The following EMID1 variants were observed in gnomAD, a reference collection of about 807,000 sequenced individuals.
EMID1 encodes the protein EMI domain-containing protein 1.
Under a neutral mutation model 60.6 loss-of-function variants are expected in EMID1, and 40 were observed. The ratio of observed to expected loss-of-function variants is 0.66; its 90% CI spans 0.51 to 0.86. The LOEUF (loss-of-function observed/expected upper bound fraction) is 0.86, where lower values mean the gene tolerates loss of function less well. EMID1 is among the 40% of genes least tolerant of loss of function. The probability of loss-of-function intolerance (pLI) is 0.00; values close to 1 mark genes in which losing one functional copy is unlikely to be tolerated. For synonymous variants in EMID1, 242 were observed against 231.0 expected (o/e 1.05, Z -0.43); for missense variants, 585 against 597.1 (o/e 0.98, Z 0.21).
chr22:29,214,954 A>G lies in EMID1; in HGVS notation c.130A>G (p.Thr44Ala). ...CTGGTGCTCCTATGTGGTGACCCGC[A>G]CCATCTCATGCCATGTGCAGAATGG... ...RNWCSYVVTR[T>A]ISCHVQNGTY... Residue 44 changes from threonine to alanine, a missense_variant, in exon 2 of 15, where the codon ACC becomes GCC. Thr to Ala is a moderately conservative substitution (Grantham distance 58, BLOSUM62 0). Coordinates refer to ENST00000334018, the MANE Select transcript of EMID1 (RefSeq NM_133455.4). 1 of 1,547,334 alleles carries G rather than the reference A, an allele frequency of 6.5e-7. No individual in the cohort carries two copies. Among genetic ancestry groups the G allele is most frequent in the South Asian group, 1.2e-5 (1 of 83,380 alleles).
In EMID1 at chr22:29,232,388, G is replaced by A. The variant is rs774365327; in HGVS notation, c.809G>A (p.Arg270Gln). ...GCCCCTGTTGGGCCACCCCATGCCC[G>A]GATCTCCCAGCATGGTGAGTCCCCC... ...PPAPVGPPHA[R>Q]ISQHGDPLLS... Residue 270 changes from arginine (R) to glutamine (Q), a missense_variant, in exon 8 of 15, where the codon CGG becomes CAG. Physicochemically the swap from Arg to Gln is conservative, Grantham distance 43. Transcript: ENST00000334018. 25 of 1,584,096 alleles carry A rather than the reference G, an allele frequency of 1.6e-5. No individual in the cohort carries two copies. The highest frequency in any genetic ancestry group is 1.2e-4 in the African/African-American group (9 of 73,952).
At chr22:29,232,229 C>A (rs1346894919) in intron 7 of EMID1, 27 bp from the exon 8 acceptor site, 1 of 1,611,274 alleles carries the variant, frequency 6.2e-7, no homozygotes, top group Non-Finnish European at 8.5e-7. Context: ...TCCTGTATAC[C>A]CACAAATCCG....
At chr22:29,230,891 G>C (rs913462893) in intron 5 of EMID1, 129 bp from the exon 6 acceptor site, 45 of 1,249,946 alleles carry the variant, frequency 3.6e-5, no homozygotes, top group Non-Finnish European at 4.7e-5. Flanking sequence ...GGGTGGTTGA[G>C]GCTGCATGAG....
chr22:29,231,720 C>T, intron 7 of EMID1, 38 bp downstream of exon 7: 3 of 1,431,302 alleles, frequency 2.1e-6, no homozygotes, highest in Non-Finnish European at 2.8e-6. Context: ...CTCCTCTGGC[C>T]ATCCCCTCCA....
chr22:29,206,500 C>T (rs115528568), intron 1 of EMID1, among the ~76,000 whole-genome samples: 1,972 of 152,344 alleles, frequency 0.013, 50 homozygotes, highest in African/African-American at 0.045. Flanking sequence ...GACCCTCTCT[C>T]CCCTTTTCCC....
intron 4 of EMID1, 141 bp downstream of exon 4, chr22:29,225,357 G>A (rs912771792): frequency 3.4e-6 from 3 of 873,834 alleles, no homozygotes; most frequent in Middle Eastern, 2.6e-4. Context: ...CCCACCCCAT[G>A]CTCCCCAGGC....
intron 14 of EMID1, among the ~76,000 whole-genome samples, chr22:29,255,020 GA>G (rs1306329813): frequency 1.0e-5 from 1 of 99,180 alleles, no homozygotes; most frequent in Non-Finnish European, 2.3e-5. Flanking sequence ...AGGGGACTAA[GA>G]GAGCCAGGCC....
intron 1 of EMID1, among the ~76,000 whole-genome samples, chr22:29,211,756 G>T (rs1047040521): frequency 1.3e-5 from 2 of 152,188 alleles, no homozygotes; most frequent in African/African-American, 4.8e-5. Context: ...CAGAGCTTCC[G>T]ACTGTCCTCT....
chr22:29,231,614 T>C lies in EMID1; in HGVS notation c.608T>C (p.Leu203Pro). The C allele has an allele frequency of 1.3e-6, 2 of 1,525,672 alleles. No individual in the cohort carries two copies. The highest frequency in any genetic ancestry group is 1.3e-5 in the South Asian group (1 of 79,590). 94.5% of individuals were successfully genotyped at this position (1,525,672 alleles called of 1,614,324 possible). A position where few individuals can be genotyped will look rare whatever the true frequency, so the allele number is the denominator to read the frequency against. ...CCAGACCAAGTCGGTGCTTGGGGGCTTCCCGGGCCCACCGGCCCCAAGGGA... is the reference window on the plus strand; with the variant it reads ...CCAGACCAAGTCGGTGCTTGGGGGCCTCCCGGGCCCACCGGCCCCAAGGGA... The part of the protein sequence containing the change: ...GLQDQVGAWG[L>P]PGPTGPKGDA... The change falls in exon 7 of 15, where the codon CTT becomes CCT. Residue 203 changes from leucine (L) to proline (P), a missense_variant. Transcript: ENST00000334018.
Position 29,205,992 on chromosome 22 carries a change from G to A in EMID1, c.-47G>A, listed in dbSNP as rs2039631976. The stretch of plus-strand genomic sequence containing the variant: ...GCAGGCAGGCGGGGAGGACAGGCTG[G>A]GGGCGGCGACCGCGAGGGGCCGCGC... On this transcript the variant is annotated 5_prime_UTR_variant, in exon 1 of 15. Transcript: ENST00000334018. The A allele has an allele frequency of 3.5e-6, 4 of 1,137,436 alleles. No individual in the cohort carries two copies. Among genetic ancestry groups the A allele is most frequent in the Middle Eastern group, 7.0e-4 (2 of 2,846 alleles). 70.5% of individuals were successfully genotyped at this position (1,137,436 alleles called of 1,614,324 possible). A position where few individuals can be genotyped will look rare whatever the true frequency, so the allele number is the denominator to read the frequency against.
At chr22:29,257,383 A>G (rs752888278) in intron 14 of EMID1, among the ~76,000 whole-genome samples, 8 of 152,158 alleles carry the variant, frequency 5.3e-5, no homozygotes, top group Non-Finnish European at 1.2e-4. Flanking sequence ...ATCATCTCCA[A>G]TCTCTTAGAG....
rs571557268 is a variant in EMID1, at chr22:29,258,728, G to A, written c.1205-89G>A. Reference sequence around the variant, plus strand: ...GGATTATACCTGGCAGAGCGTGCCCGGTTCTGCCACCCCCTAGAGGGCCAA... The same window carrying A: ...GGATTATACCTGGCAGAGCGTGCCCAGTTCTGCCACCCCCTAGAGGGCCAA... On this transcript the variant is annotated intron_variant, in intron 14 of 14. Transcript: ENST00000334018. 369 of 1,530,300 alleles carry A rather than the reference G, an allele frequency of 2.4e-4. No individual in the cohort carries two copies. The African/African-American group carries it at 2.6e-3, about 11-fold the overall frequency. The allele number at this position is 1,530,300 out of a possible 1,614,324, so 94.8% of individuals were successfully genotyped here. A position where few individuals can be genotyped will look rare whatever the true frequency, so the allele number is the denominator to read the frequency against.
intron 6 of EMID1, 115 bp downstream of exon 6, chr22:29,231,255 TCA>T: frequency 1.4e-6 from 2 of 1,416,988 alleles, no homozygotes; most frequent in Non-Finnish European, 1.9e-6. Flanking sequence ...CTAGTGGGCC[TCA>T]GTCTTCCCAT....
At chr22:29,208,842 G>A (rs1042599588) in intron 1 of EMID1, among the ~76,000 whole-genome samples, 3 of 152,204 alleles carry the variant, frequency 2.0e-5, no homozygotes, top group East Asian at 1.9e-4. Flanking sequence ...CCTCAGTCCC[G>A]GAACAGGAAT....
At chr22:29,256,348 C>T (rs1056073735) in intron 14 of EMID1, among the ~76,000 whole-genome samples, 5 of 151,628 alleles carry the variant, frequency 3.3e-5, no homozygotes, top group African/African-American at 1.2e-4. Context: ...ACCCGTAATC[C>T]CAGCTACTCG....
intron 6 of EMID1, 132 bp downstream of exon 6, chr22:29,231,272 C>A: frequency 7.3e-7 from 1 of 1,361,128 alleles, no homozygotes. Context: ...TCCCATTTCC[C>A]GTTTCTTAGA....
Position 29,233,172 on chromosome 22 carries a change from G to A in EMID1, c.824-207G>A, listed in dbSNP as rs527856446. ...GGATGTCACCAGCTGGATTGCAGTG[G>A]GGTTAGAACCCACATCTCCCTGCCT... On this transcript the variant is annotated intron_variant, in intron 8 of 14. Coordinates refer to ENST00000334018, the MANE Select transcript of EMID1 (RefSeq NM_133455.4). 7 of 612,712 alleles carry A rather than the reference G, an allele frequency of 1.1e-5. No homozygotes were observed. In the East Asian group the frequency reaches 1.6e-4, roughly 14 times the overall value. 38.0% of individuals were successfully genotyped at this position (612,712 alleles called of 1,614,324 possible). A position where few individuals can be genotyped will look rare whatever the true frequency, so the allele number is the denominator to read the frequency against.
chr22:29,230,822 G>A (rs139932194), intron 5 of EMID1, among the ~76,000 whole-genome samples, 198 bp from the exon 6 acceptor site: 3 of 152,284 alleles, frequency 2.0e-5, no homozygotes, highest in South Asian at 4.1e-4. Context: ...CATGTGTGGT[G>A]GTGCATCCCT....
At chr22:29,246,837 C>G (rs531706897) in intron 13 of EMID1, among the ~76,000 whole-genome samples, 1 of 152,252 alleles carries the variant, frequency 6.6e-6, no homozygotes, top group African/African-American at 2.4e-5. Context: ...TTAAAAAATA[C>G]AGACAAGAAC....
Sources: gnomAD v4.1 joint callset for allele counts (sites outside exome capture counted in the v4.1 genomes callset) on GRCh38, gnomAD v4.1.1 for gene constraint, MANE v1.5 for transcripts, NCBI Gene and HGNC (gene_info 2026-07-23, HGNC 2026-07-21) for gene names.